ZNF345: variants seen among roughly 807,000 people sequenced by gnomAD.
ZNF345 encodes the protein zinc finger protein HZF10.
For missense variants in ZNF345, 527 were observed against 589.9 expected, an observed-to-expected ratio of 0.89 and a Z score of 1.10; for synonymous variants, 166 against 187.9, an observed-to-expected ratio of 0.88 and a Z score of 0.95.
rs1030137164 is a variant in ZNF345 at position 36,850,876 on chromosome 19, G to A, written c.-214G>A. 2.6e-5 allele frequency: 4 copies of A among 152,388 alleles called. No individual in the cohort carries two copies. The highest frequency in any genetic ancestry group is 5.9e-5 in the Non-Finnish European group (4 of 68,174). 9.4% of individuals were successfully genotyped at this position (152,388 alleles called of 1,614,324 possible). On this transcript the variant is annotated 5_prime_UTR_variant, in exon 1 of 3. Transcript: ENST00000420450. ...TGAGGAGTGGGCGGGATCTTCCCGC[G>A]GATTTGGGCAAGCGGCCTTGGGGCT...
At chr19:36,887,138 A>T (rs1483641624) in intron 3 of ZNF345, among the ~76,000 whole-genome samples, 1 of 152,078 alleles carries the variant, frequency 6.6e-6, no homozygotes, top group African/African-American at 2.4e-5. Context: ...ATTGCACTCC[A>T]GCCTGAGCAA....
chr19:36,857,298 A>G (rs1457156977), intron 2 of ZNF345, among the ~76,000 whole-genome samples: 1 of 151,670 alleles, frequency 6.6e-6, no homozygotes, highest in African/African-American at 2.4e-5. Flanking sequence ...TTTTCTTATA[A>G]AAATTGTTTA....
chr19:36,874,823 C>T (rs1285750627), intron 2 of ZNF345, among the ~76,000 whole-genome samples: 4 of 152,084 alleles, frequency 2.6e-5, no homozygotes, highest in African/African-American at 9.7e-5. Context: ...GTTGCTGCAG[C>T]TTCCTCTTTA....
At chr19:36,871,624 T>G (rs1474796035) in intron 2 of ZNF345, among the ~76,000 whole-genome samples, 1 of 152,160 alleles carries the variant, frequency 6.6e-6, no homozygotes, top group South Asian at 2.1e-4. Context: ...TAGCTGCTAT[T>G]GTGTTTGTTT....
intron 2 of ZNF345, among the ~76,000 whole-genome samples, chr19:36,864,804 A>G (rs1466026980): frequency 6.6e-6 from 1 of 152,140 alleles, no homozygotes; most frequent in Non-Finnish European, 1.5e-5. Context: ...AGTCATCGTC[A>G]GGGTTATACG....
chr19:36,862,643 G>A (rs1225720655), intron 2 of ZNF345, among the ~76,000 whole-genome samples: 2 of 124,378 alleles, frequency 1.6e-5, no homozygotes, highest in East Asian at 2.3e-4. Flanking sequence ...CAACCTGGGC[G>A]ACAGAGTGAG....
intron 2 of ZNF345, among the ~76,000 whole-genome samples, chr19:36,855,363 T>C (rs2072389706): frequency 1.3e-5 from 2 of 150,676 alleles, no homozygotes; most frequent in African/African-American, 4.9e-5. Context: ...GTTGCCAGGA[T>C]GGTCTTGATA....
At chr19:36,884,129 G>C (rs371979016), downstream of ZNF345, among the ~76,000 whole-genome samples, 20 of 152,176 alleles carry the variant, frequency 1.3e-4, no homozygotes, top group African/African-American at 4.8e-4. Context: ...GCAGTGGCAC[G>C]ATCTCGGCTC....
chr19:36,887,297 G>A (rs947107154), intron 3 of ZNF345, among the ~76,000 whole-genome samples: 1 of 152,046 alleles, frequency 6.6e-6, no homozygotes, highest in Non-Finnish European at 1.5e-5. Context: ...TAGAATGCTG[G>A]AACAGAAAAA....
At chr19:36,852,472 G>A (rs1262718485) in intron 2 of ZNF345, among the ~76,000 whole-genome samples, 3 of 151,988 alleles carry the variant, frequency 2.0e-5, no homozygotes, top group African/African-American at 4.8e-5. Context: ...TTAGCTGGGC[G>A]TGGTGGCACG....
downstream of ZNF345, among the ~76,000 whole-genome samples, chr19:36,879,963 A>AC (rs2072958661): frequency 6.6e-6 from 1 of 152,210 alleles, no homozygotes; most frequent in Non-Finnish European, 1.5e-5. Context: ...AACAACAAAG[A>AC]CCTCATAATG....
chr19:36,852,412 A>G (rs1024667531), intron 2 of ZNF345, among the ~76,000 whole-genome samples: 2 of 151,892 alleles, frequency 1.3e-5, no homozygotes, highest in Non-Finnish European at 2.9e-5. Flanking sequence ...AGAGATCAAG[A>G]TCATCCTGGC....
chr19:36,886,619 G>T (rs1367669732), intron 3 of ZNF345, among the ~76,000 whole-genome samples: 1 of 152,144 alleles, frequency 6.6e-6, no homozygotes, highest in Non-Finnish European at 1.5e-5. Flanking sequence ...GCCGAGGAGG[G>T]TGGATCACCT....
At chr19:36,860,660 T>A (rs1406618552) in intron 2 of ZNF345, among the ~76,000 whole-genome samples, 3 of 152,224 alleles carry the variant, frequency 2.0e-5, no homozygotes, top group Admixed American at 6.5e-5. Context: ...AAGGTAATAT[T>A]GTATCCTTCT....
downstream of ZNF345, among the ~76,000 whole-genome samples, chr19:36,881,184 T>A (rs566212): frequency 0.76 from 114,885 of 152,060 alleles, 43,829 homozygotes; most frequent in East Asian, 0.92. Context: ...GAAAATTCAA[T>A]ATCTGAAATG....
At chr19:36,880,689 G>A (rs2072962703), downstream of ZNF345, among the ~76,000 whole-genome samples, 1 of 152,100 alleles carries the variant, frequency 6.6e-6, no homozygotes, top group Non-Finnish European at 1.5e-5. Context: ...GAGGTGGGAG[G>A]ATCAGTTGAG....
At chr19:36,865,156 C>T (rs183010209) in intron 2 of ZNF345, among the ~76,000 whole-genome samples, 4 of 152,214 alleles carry the variant, frequency 2.6e-5, no homozygotes, top group African/African-American at 9.6e-5. Flanking sequence ...ATTCTGGAGC[C>T]GCCTGCCAGC....
intron 2 of ZNF345, among the ~76,000 whole-genome samples, chr19:36,856,660 A>G (rs1180748569): frequency 2.0e-5 from 3 of 152,152 alleles, no homozygotes; most frequent in Non-Finnish European, 2.9e-5. Flanking sequence ...ATTTGAGACC[A>G]GCCTGGACAA....
At chr19:36,871,867 A>G (rs1045417007) in intron 2 of ZNF345, among the ~76,000 whole-genome samples, 1 of 152,132 alleles carries the variant, frequency 6.6e-6, no homozygotes, top group Non-Finnish European at 1.5e-5. Flanking sequence ...TCCTGGGTAC[A>G]AGCGATTCTC....
Sources: allele counts gnomAD v4.1 joint callset (sites outside exome capture counted in the v4.1 genomes callset), GRCh38; gene constraint gnomAD v4.1.1; transcripts MANE v1.5; gene names NCBI Gene and HGNC (gene_info 2026-07-23, HGNC 2026-07-21).